Variants in ADRA1D observed in about 807,000 individuals in gnomAD.
The protein encoded by ADRA1D is alpha-1D adrenergic receptor.
Under a neutral mutation model 18.6 loss-of-function variants are expected in ADRA1D, and 22 were observed. The observed-to-expected ratio is 1.19, with a 90% CI of 0.85 to 1.69. ADRA1D has a LOEUF of 1.69. Ranked by LOEUF, ADRA1D falls within the 40% of genes most tolerant of loss-of-function variation. ADRA1D has a pLI of 0.00. For synonymous variants in ADRA1D, 376 were observed against 388.2 expected, an observed-to-expected ratio of 0.97 and a Z score of 0.37; for missense variants, 840 against 840.7, an observed-to-expected ratio of 1.00 and a Z score of 0.01.
In ADRA1D at chr20:4,248,746, TC is replaced by T. The variant is rs1161774306; in HGVS notation, c.211del (p.Glu71SerfsTer11). On this transcript the variant is annotated frameshift_variant, in exon 1 of 2. Coordinates refer to ENST00000379453, the MANE Select transcript of ADRA1D (RefSeq NM_000678.4). LOFTEE classifies it high-confidence loss of function. The part of the protein sequence containing the change: ...SGEDNRSSAG[E>X]PGSAGAGGDV... ...GCCGCCCGCGCCCGCGCTCCCCGGC[TC>T]CCCCGCGGAGCTCCGGTTGTCCTCG... The T allele has an allele frequency of 1.6e-5, 24 of 1,510,614 alleles. No individual in the cohort carries two copies. Among genetic ancestry groups the T allele is most frequent in the Admixed American group, 2.1e-5 (1 of 47,606 alleles). The allele number at this position is 1,510,614 out of a possible 1,614,324, so 93.6% of individuals were successfully genotyped here.
chr20:4,239,911 T>G lies in ADRA1D; in HGVS notation c.1111+7936A>C, dbSNP rs180708585. ...TAGTGAATAAATGAAGGAGGTATGATAGGATTAGAATATCCCCACTTCAAG... is the reference window on the plus strand; with the variant it reads ...TAGTGAATAAATGAAGGAGGTATGAGAGGATTAGAATATCCCCACTTCAAG... On this transcript the variant is annotated intron_variant, in intron 1 of 1. Transcript: ENST00000379453. The surrounding 1 kb of genome is among the most constrained non-coding windows in gnomAD (Gnocchi z 4.9). Among the ~76,000 whole-genome samples, 6 of 152,300 alleles carry G rather than the reference T, an allele frequency of 3.9e-5. No homozygotes were observed. The highest frequency in any genetic ancestry group is 2.6e-4 in the Admixed American group (4 of 15,296).
rs1039273133 is a variant in ADRA1D, at chr20:4,221,884, G to T, written c.1358C>A (p.Ser453Ter). The change falls in exon 2 of 2, where the codon TCG becomes TAG. Residue 453 changes from serine (S) to a stop codon, truncating the protein, a stop_gained. Coordinates refer to ENST00000379453, the MANE Select transcript of ADRA1D (RefSeq NM_000678.4). LOFTEE classifies it low-confidence loss of function (END_TRUNC). ...SGLRQDCAPS[S>*]GDAPPGAPLA... Reference sequence around the variant, plus strand: ...CGGCGCTCCGGGGGGCGCGTCGCCCGAACTCGGGGCGCAGTCCTGGCGCAG... The same window carrying T: ...CGGCGCTCCGGGGGGCGCGTCGCCCTAACTCGGGGCGCAGTCCTGGCGCAG... The T allele has an allele frequency of 5.4e-6, 8 of 1,481,188 alleles. No homozygotes were observed. Among genetic ancestry groups the T allele is most frequent in the Non-Finnish European group, 6.2e-6 (7 of 1,123,264 alleles). 91.8% of individuals were successfully genotyped at this position (1,481,188 alleles called of 1,614,324 possible).
chr20:4,230,329 C>T (rs1299854868), intron 1 of ADRA1D, among the ~76,000 whole-genome samples: 2 of 152,202 alleles, frequency 1.3e-5, no homozygotes, highest in African/African-American at 4.8e-5. Flanking sequence ...AAGAAGACCT[C>T]ACAGGCATAT....
chr20:4,222,009 G>A lies in ADRA1D; in HGVS notation c.1233C>T (p.Arg411=). Residue 411 remains arginine, a synonymous_variant, in exon 2 of 2, where the codon CGC becomes CGT. Transcript: ENST00000379453. The surrounding 1 kb of genome is among the most constrained non-coding windows in gnomAD (Gnocchi z 4.3). ...IYPCSSREFK[R]AFLRLLRCQC... ...GGCAGCGCAGGAGACGGAGGAAGGC[G>A]CGCTTGAACTCGCGGCTGGAACAGG... 2 of 1,597,564 alleles carry A rather than the reference G, an allele frequency of 1.3e-6. No homozygotes were observed. Among genetic ancestry groups the A allele is most frequent in the Non-Finnish European group, 1.7e-6 (2 of 1,171,930 alleles).
intron 1 of ADRA1D, among the ~76,000 whole-genome samples, chr20:4,224,323 G>A (rs1188264197): frequency 2.0e-5 from 3 of 152,166 alleles, no homozygotes; most frequent in African/African-American, 4.8e-5. Context: ...TTTGAAAAAG[G>A]AGAGTGCCAG....
Position 4,247,976 on chromosome 20 carries a change from T to C in ADRA1D, c.982A>G (p.Thr328Ala). The change falls in exon 1 of 2, where the codon ACC becomes GCC. Residue 328 changes from threonine to alanine, a missense_variant. Thr to Ala is a moderately conservative substitution (Grantham distance 58). Coordinates refer to ENST00000379453, the MANE Select transcript of ADRA1D (RefSeq NM_000678.4). ...CGCACGGAGAGCGAGCTGCGGAAGG[T>C]GTGGCCCTTGGCGCTGCGCATGCCG... is the stretch of plus-strand genomic sequence containing the variant. The part of the protein sequence containing the change: ...AHGMRSAKGH[T>A]FRSSLSVRLL... 1 of 1,581,598 alleles carries C rather than the reference T, an allele frequency of 6.3e-7. No individual in the cohort carries two copies. Among genetic ancestry groups the C allele is most frequent in the Non-Finnish European group, 8.6e-7 (1 of 1,164,730 alleles).
At chr20:4,232,331 T>C (rs1980990960) in intron 1 of ADRA1D, among the ~76,000 whole-genome samples, 1 of 152,182 alleles carries the variant, frequency 6.6e-6, no homozygotes, top group Non-Finnish European at 1.5e-5. Flanking sequence ...TCCAAGGGTG[T>C]TCCTGTGATT....
chr20:4,233,598 AG>A (rs1981020546), intron 1 of ADRA1D, among the ~76,000 whole-genome samples: 1 of 152,126 alleles, frequency 6.6e-6, no homozygotes, highest in Non-Finnish European at 1.5e-5. Context: ...CGCTGCTTCT[AG>A]GGAACCCGAC....
Position 4,248,724 on chromosome 20 carries a change from G to T in ADRA1D, c.234C>A (p.Gly78=). ...SAGEPGSAGA[G]GDVNGTAAVG... Reference sequence around the variant, plus strand: ...CGGCCGCCGTGCCATTCACGTCGCCGCCCGCGCCCGCGCTCCCCGGCTCCC... The same window carrying T: ...CGGCCGCCGTGCCATTCACGTCGCCTCCCGCGCCCGCGCTCCCCGGCTCCC... The change falls in exon 1 of 2, where the codon GGC becomes GGA. Residue 78 remains glycine, a synonymous_variant. Transcript: ENST00000379453. The T allele has an allele frequency of 6.5e-7, 1 of 1,547,302 alleles. No homozygotes were observed.
rs1186065792 is a variant in ADRA1D at position 4,222,260 on chromosome 20, GC to G, written c.1112-131del. The G allele has an allele frequency of 1.5e-6, 2 of 1,312,646 alleles. No individual in the cohort carries two copies. Among genetic ancestry groups the G allele is most frequent in the Non-Finnish European group, 2.0e-6 (2 of 990,856 alleles). The allele number at this position is 1,312,646 out of a possible 1,614,324, so 81.3% of individuals were successfully genotyped here. On this transcript the variant is annotated intron_variant, in intron 1 of 1. Transcript: ENST00000379453. This position sits in a 1 kb window ranked among gnomAD's most constrained non-coding sequence, Gnocchi z 4.3. Reference sequence around the variant, plus strand: ...GACTAGGAGTTCTCAAGGGATCCGTGCTGTAAATCAGGAGGTCCATGAACTT... The same window carrying G: ...GACTAGGAGTTCTCAAGGGATCCGTGTGTAAATCAGGAGGTCCATGAACTT...
chr20:4,245,913 C>T (rs1421867394), intron 1 of ADRA1D, among the ~76,000 whole-genome samples: 3 of 152,202 alleles, frequency 2.0e-5, no homozygotes, highest in African/African-American at 7.2e-5. Context: ...CAACCTTTGG[C>T]TGGATGATTT....
Position 4,248,000 on chromosome 20 carries a change from C to T in ADRA1D, c.958G>A (p.Gly320Ser). 7.0e-6 allele frequency: 11 copies of T among 1,561,872 alleles called. No individual in the cohort carries two copies. The highest frequency in any genetic ancestry group is 9.5e-6 in the Non-Finnish European group (11 of 1,154,472). The change falls in exon 1 of 2, where the codon GGC becomes AGC. Residue 320 changes from glycine to serine, a missense_variant. Transcript: ENST00000379453. ...GAATGADGAHGMRSAKGHTFR... is the reference protein window; with the variant it reads ...GAATGADGAHSMRSAKGHTFR... ...GTGTGGCCCTTGGCGCTGCGCATGC[C>T]GTGCGCCCCGTCGGCGCCCGTGGCC...
At chr20:4,227,806 C>G (rs1980856758) in intron 1 of ADRA1D, among the ~76,000 whole-genome samples, 1 of 149,530 alleles carries the variant, frequency 6.7e-6, no homozygotes, top group Admixed American at 6.7e-5. Context: ...GGGGTTTCAC[C>G]ATGTTGGCCA....
intron 1 of ADRA1D, among the ~76,000 whole-genome samples, chr20:4,238,446 T>C (rs1981147060): frequency 6.6e-6 from 1 of 152,060 alleles, no homozygotes; most frequent in African/African-American, 2.4e-5. Context: ...GCTCTGGACA[T>C]GTCGATGTGC....
In ADRA1D at chr20:4,221,460, C is replaced by A; in HGVS notation, c.*63G>T. The A allele has an allele frequency of 6.6e-7, 1 of 1,516,116 alleles. No individual in the cohort carries two copies. The highest frequency in any genetic ancestry group is 8.9e-7 in the Non-Finnish European group (1 of 1,124,036). The allele number at this position is 1,516,116 out of a possible 1,614,324, so 93.9% of individuals were successfully genotyped here. A position where few individuals can be genotyped will look rare whatever the true frequency, so the allele number is the denominator to read the frequency against. On this transcript the variant is annotated 3_prime_UTR_variant, in exon 2 of 2. Transcript: ENST00000379453. ...TGCACGGGGGCTCTTAGAACACCAG[C>A]CCGCCTCTCTGGTCCCCCTTACCCC...
Position 4,248,262 on chromosome 20 carries a change from C to G in ADRA1D, c.696G>C (p.Leu232=). 6.2e-7 allele frequency: 1 copy of G among 1,608,560 alleles called. No homozygotes were observed. Among genetic ancestry groups the G allele is most frequent in the Non-Finnish European group, 8.5e-7 (1 of 1,177,834 alleles). The change falls in exon 1 of 2, where the codon CTG becomes CTC. Residue 232 remains leucine (L), a synonymous_variant. Coordinates refer to ENST00000379453, the MANE Select transcript of ADRA1D (RefSeq NM_000678.4). ...GGGGCACGGGCTCCTTCCAGCCCAG[C>G]AGGGGCCCTACGGACACCACCAGGG... ...VVALVVSVGP[L]LGWKEPVPPD...
chr20:4,226,289 C>T (rs932523813), intron 1 of ADRA1D, among the ~76,000 whole-genome samples: 2 of 152,232 alleles, frequency 1.3e-5, no homozygotes, highest in African/African-American at 4.8e-5. Flanking sequence ...CCTTTCAGCC[C>T]CAAGGTTTTC....
At chr20:4,235,983 C>T (rs1981079944) in intron 1 of ADRA1D, among the ~76,000 whole-genome samples, 1 of 152,202 alleles carries the variant, frequency 6.6e-6, no homozygotes, top group South Asian at 2.1e-4. Flanking sequence ...TGGCAGTCCT[C>T]AAGATCCCCT....
At chr20:4,227,732 T>TTCCTTCCTTCCTTCCTTCCTTCCTTCCG in intron 1 of ADRA1D, among the ~76,000 whole-genome samples, 1 of 124,248 alleles carries the variant, frequency 8.0e-6, no homozygotes, top group Non-Finnish European at 1.6e-5. Flanking sequence ...CCTTCCTTCC[T>TTCCTTCCTTCCTTCCTTCCTTCCTTCCG]TCCTTCCTTC....
Sources: gnomAD v4.1 joint callset for allele counts (sites outside exome capture counted in the v4.1 genomes callset) on GRCh38, gnomAD v4.1.1 for gene constraint, Gnocchi (gnomAD v3.1) non-coding constraint, MANE v1.5 for transcripts, NCBI Gene and HGNC (gene_info 2026-07-23, HGNC 2026-07-21) for gene names.